TMEM132D: variants seen among roughly 807,000 people sequenced by gnomAD.
The protein encoded by TMEM132D is transmembrane protein 132D, also known as mature OL transmembrane protein.
A neutral mutation model predicts 62.3 loss-of-function variants in TMEM132D; 21 were observed. The ratio of observed to expected loss-of-function variants is 0.34; its 90% CI spans 0.24 to 0.49. The LOEUF (loss-of-function observed/expected upper bound fraction) is 0.49. Among genes scored for constraint, TMEM132D ranks in the 20% least tolerant of loss-of-function variants. TMEM132D has a pLI of 0.99. For missense variants in TMEM132D, 1,346 were observed against 1,402.8 expected (o/e 0.96, Z 0.65); for synonymous variants, 621 against 575.6 (o/e 1.08, Z -1.13).
At chr12:129,513,302 T>G (rs1354108242) in intron 3 of TMEM132D, among the ~76,000 whole-genome samples, 1 of 152,114 alleles carries the variant, frequency 6.6e-6, no homozygotes, top group Non-Finnish European at 1.5e-5. Context: ...ATCCAGCCTT[T>G]TGAGGGTGAG....
chr12:129,888,380 A>G (rs1386901022), intron 1 of TMEM132D, among the ~76,000 whole-genome samples: 3 of 152,166 alleles, frequency 2.0e-5, no homozygotes, highest in African/African-American at 7.2e-5. Flanking sequence ...GAAAATTTGA[A>G]TATTTGAATC....
At chr12:129,280,326 T>C (rs1881106772) in intron 4 of TMEM132D, among the ~76,000 whole-genome samples, 1 of 152,186 alleles carries the variant, frequency 6.6e-6, no homozygotes, top group East Asian at 1.9e-4. Context: ...AAGATTCTGA[T>C]CTATAAAACA....
chr12:129,757,442 A>G (rs1243284253), intron 1 of TMEM132D, among the ~76,000 whole-genome samples: 3 of 152,056 alleles, frequency 2.0e-5, no homozygotes. Context: ...AATTACTCAA[A>G]AATTCCTATC....
intron 4 of TMEM132D, among the ~76,000 whole-genome samples, chr12:129,270,781 C>T (rs1880832627): frequency 6.6e-6 from 1 of 152,190 alleles, no homozygotes; most frequent in Non-Finnish European, 1.5e-5. Flanking sequence ...TAACAAAAGG[C>T]TGTGGTGCTT....
chr12:129,131,222 G>A (rs1409784588), intron 5 of TMEM132D, among the ~76,000 whole-genome samples: 1 of 152,150 alleles, frequency 6.6e-6, no homozygotes, highest in Non-Finnish European at 1.5e-5. Flanking sequence ...CAGAAACAGG[G>A]CACTTAAGGG....
chr12:129,248,558 A>G (rs181513454), intron 4 of TMEM132D, among the ~76,000 whole-genome samples: 53 of 151,232 alleles, frequency 3.5e-4, no homozygotes, highest in Non-Finnish European at 5.9e-5. Flanking sequence ...CTCACTTAAA[A>G]TTTTTTTTTA....
chr12:129,376,744 G>C, intron 3 of TMEM132D, among the ~76,000 whole-genome samples: 1 of 152,296 alleles, frequency 6.6e-6, no homozygotes, highest in East Asian at 1.9e-4. Context: ...AGTGGAAGTG[G>C]TTAGGCTTCA....
chr12:129,590,678 T>C (rs1201214467), intron 2 of TMEM132D, among the ~76,000 whole-genome samples: 1 of 152,186 alleles, frequency 6.6e-6, no homozygotes, highest in African/African-American at 2.4e-5. Context: ...TGTTTTTCCT[T>C]AGGCTGTCGG....
chr12:129,578,406 T>TTGTGTGTGTGTGTG (rs1164940211), intron 2 of TMEM132D, among the ~76,000 whole-genome samples: 1 of 34,662 alleles, frequency 2.9e-5, no homozygotes, highest in East Asian at 3.1e-3. Context: ...AGTAATACAA[T>TTGTGTGTGTGTGTG]TATGTGTGTG....
chr12:129,256,096 T>C lies in TMEM132D; in HGVS notation c.1300-46433A>G, dbSNP rs78041694. 1.1e-4 allele frequency among the ~76,000 whole-genome samples: 17 copies of C among 152,336 alleles called. No individual in the cohort carries two copies. In the East Asian group the frequency reaches 3.1e-3, roughly 28 times the overall value. ...CTTGTACTACTGATTGATTGATTTA[T>C]TGAGACAGAGTCTCACTCTGTCCCC... On this transcript the variant is annotated intron_variant, in intron 4 of 8. Coordinates refer to ENST00000422113, the MANE Select transcript of TMEM132D (RefSeq NM_133448.3).
At chr12:129,289,849 C>G (rs7299188) in intron 4 of TMEM132D, among the ~76,000 whole-genome samples, 45,072 of 151,992 alleles carry the variant, frequency 0.3, 7,324 homozygotes, top group Non-Finnish European at 0.37. Context: ...TCATCTCTGT[C>G]AATCAATCCA....
chr12:129,074,041 A>G lies in TMEM132D; in HGVS notation c.3134T>C (p.Val1045Ala), dbSNP rs201505486. 1.7e-5 allele frequency: 28 copies of G among 1,613,286 alleles called. No individual in the cohort carries two copies. Among genetic ancestry groups the G allele is most frequent in the Non-Finnish European group, 2.3e-5 (27 of 1,179,762 alleles). ...GACGGCGGTGAAGGTGGTAAATTTTACCCTTTTCCTTTTTGAGGTAGGGGA... is the reference window on the plus strand; with the variant it reads ...GACGGCGGTGAAGGTGGTAAATTTTGCCCTTTTCCTTTTTGAGGTAGGGGA... Reference protein sequence around the residue: ...PTSPTSKRKRVKFTTFTAVSS... With the variant: ...PTSPTSKRKRAKFTTFTAVSS... Residue 1045 changes from valine to alanine, a missense_variant, in exon 9 of 9, where the codon GTA becomes GCA. Physicochemically the swap from Val to Ala is moderately conservative, Grantham distance 64. Coordinates refer to ENST00000422113, the MANE Select transcript of TMEM132D (RefSeq NM_133448.3).
chr12:129,771,902 T>C (rs1241542101), intron 1 of TMEM132D, among the ~76,000 whole-genome samples: 1 of 152,206 alleles, frequency 6.6e-6, no homozygotes, highest in Non-Finnish European at 1.5e-5. Context: ...ATGAAGTCAG[T>C]ACTATTATGC....
intron 1 of TMEM132D, among the ~76,000 whole-genome samples, chr12:129,713,603 C>T (rs1868457767): frequency 1.3e-5 from 2 of 152,162 alleles, no homozygotes; most frequent in South Asian, 4.1e-4. Flanking sequence ...GAGCTTTTAC[C>T]TACAGATTTC....
At chr12:129,143,000 C>T (rs1180931681) in intron 5 of TMEM132D, among the ~76,000 whole-genome samples, 2 of 152,082 alleles carry the variant, frequency 1.3e-5, no homozygotes, top group East Asian at 3.9e-4. Context: ...CAAGCATCAA[C>T]ACAGAAGATG....
At chr12:129,144,686 C>CATCCATCTATCT (rs1876838042) in intron 5 of TMEM132D, among the ~76,000 whole-genome samples, 1 of 151,312 alleles carries the variant, frequency 6.6e-6, no homozygotes, top group Non-Finnish European at 1.5e-5. Context: ...GCTTATCTAT[C>CATCCATCTATCT]ATCTATCTAT....
chr12:129,195,991 G>A (rs1878538663), intron 5 of TMEM132D, among the ~76,000 whole-genome samples: 1 of 152,122 alleles, frequency 6.6e-6, no homozygotes, highest in African/African-American at 2.4e-5. Context: ...GCTGGGTGTG[G>A]TGGCACACGC....
intron 1 of TMEM132D, among the ~76,000 whole-genome samples, chr12:129,810,497 G>A (rs1353895368): frequency 6.6e-6 from 1 of 151,856 alleles, no homozygotes; most frequent in Non-Finnish European, 1.5e-5. Flanking sequence ...GGGAAATGAG[G>A]CCCTGGTGGT....
At chr12:129,145,343 G>A (rs904350919) in intron 5 of TMEM132D, among the ~76,000 whole-genome samples, 1 of 152,104 alleles carries the variant, frequency 6.6e-6, no homozygotes, top group Non-Finnish European at 1.5e-5. Flanking sequence ...CTAGAGTACA[G>A]GTTTTTTACT....
Sources: allele counts gnomAD v4.1 joint callset (sites outside exome capture counted in the v4.1 genomes callset), GRCh38; gene constraint gnomAD v4.1.1; transcripts MANE v1.5; gene names NCBI Gene and HGNC (gene_info 2026-07-23, HGNC 2026-07-21).